The following SIPA1L1 variants were observed in gnomAD, a reference collection of about 807,000 sequenced individuals.
SIPA1L1 encodes the protein signal induced proliferation associated 1 like 1.
A neutral mutation model predicts 162.7 loss-of-function variants in SIPA1L1; 26 were observed. The ratio of observed to expected loss-of-function variants is 0.16; its 90% CI spans 0.12 to 0.22. The LOEUF is 0.22. Ranked by LOEUF, SIPA1L1 falls within the 10% of genes least tolerant of loss-of-function variation. The pLI is 1.00. For missense variants in SIPA1L1, 1,874 were observed against 2,241.0 expected (o/e 0.84, Z 3.31); for synonymous variants, 829 against 837.4 (o/e 0.99, Z 0.17).
intron 2 of SIPA1L1, among the ~76,000 whole-genome samples, chr14:71,331,461 T>C (rs1255683115): frequency 2.6e-5 from 4 of 152,242 alleles, no homozygotes; most frequent in Non-Finnish European, 5.9e-5. Flanking sequence ...TGGCAGAACG[T>C]ATGAGGCTAC....
At chr14:71,542,545 TTCC>T (rs752542472) in intron 4 of SIPA1L1, among the ~76,000 whole-genome samples, 31 of 139,070 alleles carry the variant, frequency 2.2e-4, no homozygotes, top group South Asian at 7.4e-4. Flanking sequence ...TCCTCCTCTC[TTCC>T]TCCTCCTCCT....
At chr14:71,571,788 C>T (rs2032093606) in intron 4 of SIPA1L1, among the ~76,000 whole-genome samples, 1 of 151,658 alleles carries the variant, frequency 6.6e-6, no homozygotes, top group Admixed American at 6.6e-5. Flanking sequence ...ACTACAGGCG[C>T]CTGCCACCAT....
chr14:71,714,907 G>A (rs1380346998), intron 17 of SIPA1L1, among the ~76,000 whole-genome samples: 1 of 152,178 alleles, frequency 6.6e-6, no homozygotes, highest in Non-Finnish European at 1.5e-5. Context: ...AATAATTTCA[G>A]TATATAATAA....
intron 7 of SIPA1L1, among the ~76,000 whole-genome samples, chr14:71,633,018 C>G (rs1437983216): frequency 1.3e-5 from 2 of 152,004 alleles, no homozygotes; most frequent in African/African-American, 4.8e-5. Context: ...CAACACATGC[C>G]AACACTAAGA....
At chr14:71,390,382 T>C (rs1372909983) in intron 2 of SIPA1L1, among the ~76,000 whole-genome samples, 1 of 152,208 alleles carries the variant, frequency 6.6e-6, no homozygotes, top group Non-Finnish European at 1.5e-5. Flanking sequence ...AGCCATACTC[T>C]TGTATCGTGT....
At chr14:71,421,203 T>A (rs1372175310) in intron 2 of SIPA1L1, among the ~76,000 whole-genome samples, 2 of 152,260 alleles carry the variant, frequency 1.3e-5, no homozygotes, top group African/African-American at 4.8e-5. Flanking sequence ...TGAGGACATT[T>A]TTCTATTATT....
intron 2 of SIPA1L1, among the ~76,000 whole-genome samples, chr14:71,411,047 A>G (rs1449008941): frequency 6.6e-6 from 1 of 152,166 alleles, no homozygotes. Flanking sequence ...AGGGAAAAGA[A>G]CTTTTGAAAA....
intron 3 of SIPA1L1, among the ~76,000 whole-genome samples, chr14:71,521,021 T>A (rs1243242893): frequency 6.6e-6 from 1 of 152,248 alleles, no homozygotes; most frequent in Non-Finnish European, 1.5e-5. Flanking sequence ...CCCAAAGTGC[T>A]GGGATTACAG....
At chr14:71,446,918 T>TG (rs1169277955) in intron 2 of SIPA1L1, among the ~76,000 whole-genome samples, 174 of 109,614 alleles carry the variant, frequency 1.6e-3, no homozygotes, top group Non-Finnish European at 2.5e-3. Context: ...TTTTTTTTTT[T>TG]TTTTTTTTTT....
chr14:71,593,370 C>T (rs2035641065), intron 5 of SIPA1L1, among the ~76,000 whole-genome samples: 1 of 151,978 alleles, frequency 6.6e-6, no homozygotes, highest in African/African-American at 2.4e-5. Flanking sequence ...CAGCACTGTG[C>T]CAAGCTAATT....
intron 2 of SIPA1L1, among the ~76,000 whole-genome samples, chr14:71,470,026 C>T (rs974989379): frequency 1.3e-5 from 2 of 152,130 alleles, no homozygotes; most frequent in Non-Finnish European, 2.9e-5. Context: ...AGACCCTTTA[C>T]CTGTGTCAAG....
intron 4 of SIPA1L1, among the ~76,000 whole-genome samples, chr14:71,534,571 T>A (rs2053727623): frequency 6.6e-6 from 1 of 152,192 alleles, no homozygotes. Flanking sequence ...CTTCCCAACC[T>A]CATTTTTAAA....
intron 3 of SIPA1L1, among the ~76,000 whole-genome samples, chr14:71,526,384 T>C (rs2052873266): frequency 1.3e-5 from 2 of 152,320 alleles, no homozygotes; most frequent in South Asian, 4.1e-4. Context: ...GTGGAAACTA[T>C]TATTCTGACT....
At position 71,722,491 on chromosome 14, in the gene SIPA1L1, GCAAGAGTCAGCCAT is replaced by G. The variant is rs1285160908; in HGVS notation, c.4209-1154_4209-1141del. Among the ~76,000 whole-genome samples, 3 of 152,204 alleles carry G rather than the reference GCAAGAGTCAGCCAT, an allele frequency of 2.0e-5. No homozygotes were observed. In the East Asian group the frequency reaches 5.8e-4, roughly 29 times the overall value. ...TAAAAATAACTGAAAGTCTGTTGTA[GCAAGAGTCAGCCAT>G]CTTTGGTCTCACCCCATGCTGGAGA... On this transcript the variant is annotated intron_variant, in intron 17 of 23. Transcript: ENST00000381232.
intron 4 of SIPA1L1, among the ~76,000 whole-genome samples, chr14:71,544,882 T>C (rs143358600): frequency 1.4e-3 from 209 of 152,266 alleles, no homozygotes; most frequent in Non-Finnish European, 2.5e-3. Context: ...TCTCTAACTT[T>C]ATATTTTTTT....
rs77702674 is a variant in SIPA1L1 at position 71,424,963 on chromosome 14, C to T, written c.-464-87780C>T. Among the ~76,000 whole-genome samples, 134 of 151,956 alleles carry T rather than the reference C, an allele frequency of 8.8e-4. 1 individual carries two copies. The East Asian group carries it at 0.021, about 24-fold the overall frequency. On this transcript the variant is annotated intron_variant, in intron 2 of 23. Transcript: ENST00000381232. ...GTACTAGTTATATCTCTTAGGTTTT[C>T]TGTTTCTTCATAATTTAATGTTGGT...
intron 2 of SIPA1L1, among the ~76,000 whole-genome samples, chr14:71,322,617 T>C (rs144815635): frequency 1.4e-3 from 210 of 152,358 alleles, no homozygotes; most frequent in Non-Finnish European, 2.5e-3. Context: ...TCAATTATGC[T>C]AAAGCATTAA....
At chr14:71,656,819 T>G (rs1414928158) in intron 8 of SIPA1L1, among the ~76,000 whole-genome samples, 1 of 152,108 alleles carries the variant, frequency 6.6e-6, no homozygotes. Flanking sequence ...GGCAGCGGAG[T>G]TACTGCATTA....
chr14:71,403,471 G>A (rs980302425), intron 2 of SIPA1L1, among the ~76,000 whole-genome samples: 1 of 151,656 alleles, frequency 6.6e-6, no homozygotes, highest in African/African-American at 2.4e-5. Flanking sequence ...GTGGTGGCAG[G>A]CACCTGTAAT....
Sources: gnomAD v4.1 joint callset for allele counts (sites outside exome capture counted in the v4.1 genomes callset) on GRCh38, gnomAD v4.1.1 for gene constraint, MANE v1.5 for transcripts, NCBI Gene and HGNC (gene_info 2026-07-23, HGNC 2026-07-21) for gene names.